Variants in BICC1 observed in about 807,000 individuals in gnomAD.
The protein encoded by BICC1 is BicC family RNA binding protein 1.
Under a neutral mutation model 111.0 loss-of-function variants are expected in BICC1, and 43 were observed. The observed-to-expected ratio is 0.39, with a 90% CI of 0.30 to 0.50. The LOEUF is 0.50. Among genes scored for constraint, BICC1 ranks in the 20% least tolerant of loss-of-function variants. The pLI, the probability that BICC1 is intolerant of heterozygous loss-of-function variation, is 0.88. For missense variants in BICC1, 1,091 were observed against 1,203.2 expected, an observed-to-expected ratio of 0.91 and a Z score of 1.38; for synonymous variants, 467 against 434.4, an observed-to-expected ratio of 1.07 and a Z score of -0.93.
chr10:58,572,341 T>G (rs1041303412), intron 1 of BICC1, among the ~76,000 whole-genome samples: 2 of 152,156 alleles, frequency 1.3e-5, no homozygotes, highest in African/African-American at 4.8e-5. Flanking sequence ...TAGATCCCAT[T>G]TGTCAATTTT....
chr10:58,714,772 A>G (rs990811721), intron 3 of BICC1, among the ~76,000 whole-genome samples: 2 of 152,042 alleles, frequency 1.3e-5, no homozygotes, highest in South Asian at 4.2e-4. Flanking sequence ...GAATTCAGGG[A>G]CATCTATCAG....
At chr10:58,704,814 T>C (rs1840342562) in intron 3 of BICC1, among the ~76,000 whole-genome samples, 1 of 152,216 alleles carries the variant, frequency 6.6e-6, no homozygotes, top group South Asian at 2.1e-4. Context: ...CATAGGTTTG[T>C]GTTGCATTTC....
At chr10:58,659,713 A>T (rs922432211) in intron 2 of BICC1, among the ~76,000 whole-genome samples, 3 of 151,818 alleles carry the variant, frequency 2.0e-5, no homozygotes, top group South Asian at 4.2e-4. Context: ...AAACCAAGTT[A>T]AAAAAAAGAC....
intron 3 of BICC1, among the ~76,000 whole-genome samples, chr10:58,724,115 T>C (rs1171790758): frequency 6.6e-6 from 1 of 152,212 alleles, no homozygotes; most frequent in Non-Finnish European, 1.5e-5. Flanking sequence ...AAACAGCCGA[T>C]CAGTGCTTTT....
intron 3 of BICC1, among the ~76,000 whole-genome samples, chr10:58,735,066 A>G (rs1236507224): frequency 1.3e-5 from 2 of 152,234 alleles, no homozygotes; most frequent in Admixed American, 6.5e-5. Context: ...GTACAAGGAT[A>G]TAGTACATCC....
chr10:58,512,321 A>C (rs568966890), upstream of BICC1, among the ~76,000 whole-genome samples: 1 of 152,228 alleles, frequency 6.6e-6, no homozygotes, highest in Admixed American at 6.5e-5. Context: ...GATGCCTGCG[A>C]AAGACGGGCA....
chr10:58,692,104 A>T (rs868121906), intron 2 of BICC1, among the ~76,000 whole-genome samples: 2 of 152,168 alleles, frequency 1.3e-5, no homozygotes, highest in South Asian at 2.1e-4. Flanking sequence ...CCAGGAGCCC[A>T]GCTTGTTGGT....
At chr10:58,727,960 TA>T (rs1166508785) in intron 3 of BICC1, among the ~76,000 whole-genome samples, 7 of 152,214 alleles carry the variant, frequency 4.6e-5, no homozygotes, top group Non-Finnish European at 7.3e-5. Context: ...ATACTTTAAT[TA>T]AAAAACCTTT....
intron 8 of BICC1, 56 bp from the exon 9 acceptor site, chr10:58,793,428 G>T (rs1276213735): frequency 1.4e-6 from 2 of 1,472,272 alleles, no homozygotes; most frequent in African/African-American, 1.4e-5. Flanking sequence ...TAAATTATCA[G>T]GTGTTTAAAT....
intron 3 of BICC1, among the ~76,000 whole-genome samples, chr10:58,740,663 T>C (rs1015679494): frequency 2.6e-5 from 4 of 152,204 alleles, no homozygotes; most frequent in African/African-American, 4.8e-5. Flanking sequence ...TTAACTCTTA[T>C]TCCCAAGTTT....
At chr10:58,626,295 C>T (rs763534905) in intron 2 of BICC1, among the ~76,000 whole-genome samples, 4 of 152,188 alleles carry the variant, frequency 2.6e-5, no homozygotes, top group Non-Finnish European at 2.9e-5. Flanking sequence ...TATTACCGAT[C>T]ACTATACTAT....
chr10:58,677,871 G>A (rs890546217), intron 2 of BICC1, among the ~76,000 whole-genome samples: 13 of 152,174 alleles, frequency 8.5e-5, no homozygotes, highest in Non-Finnish European at 8.8e-5. Flanking sequence ...CTACAAACCA[G>A]AAAGAGTGGA....
chr10:58,619,117 A>G (rs1452319057), intron 1 of BICC1, among the ~76,000 whole-genome samples: 5 of 152,142 alleles, frequency 3.3e-5, no homozygotes, highest in Non-Finnish European at 5.9e-5. Context: ...ATTCAATATA[A>G]TCTTCCTATC....
chr10:58,634,671 C>T (rs1317442270), intron 2 of BICC1, among the ~76,000 whole-genome samples: 5 of 152,128 alleles, frequency 3.3e-5, no homozygotes, highest in East Asian at 1.9e-4. Context: ...AACACAGTGG[C>T]GAGGGTTGCC....
At chr10:58,614,265 G>C in intron 1 of BICC1, among the ~76,000 whole-genome samples, 1 of 152,048 alleles carries the variant, frequency 6.6e-6, no homozygotes, top group East Asian at 1.9e-4. Flanking sequence ...TGGCATCCTG[G>C]GAGTGAATTG....
At chr10:58,767,965 G>A (rs941570043) in intron 3 of BICC1, among the ~76,000 whole-genome samples, 4 of 151,978 alleles carry the variant, frequency 2.6e-5, no homozygotes, top group Non-Finnish European at 5.9e-5. Flanking sequence ...ACCATCAGGA[G>A]AAATAATATA....
intron 3 of BICC1, among the ~76,000 whole-genome samples, chr10:58,734,439 A>G (rs571617301): frequency 2.0e-5 from 3 of 152,350 alleles, no homozygotes; most frequent in African/African-American, 4.8e-5. Flanking sequence ...AACATTTCCA[A>G]GTGTCCATAT....
chr10:58,675,730 A>T (rs1839318084), intron 2 of BICC1, among the ~76,000 whole-genome samples: 1 of 152,246 alleles, frequency 6.6e-6, no homozygotes, highest in Non-Finnish European at 1.5e-5. Context: ...TGTGATAATC[A>T]TTACAGAATG....
chr10:58,597,849 G>A (rs1366922836), intron 1 of BICC1, among the ~76,000 whole-genome samples: 1 of 151,966 alleles, frequency 6.6e-6, no homozygotes, highest in Non-Finnish European at 1.5e-5. Flanking sequence ...CAGACCTTAT[G>A]GTTGTCTTCC....
Sources: gnomAD v4.1 joint callset for allele counts (sites outside exome capture counted in the v4.1 genomes callset) on GRCh38, gnomAD v4.1.1 for gene constraint, MANE v1.5 for transcripts, NCBI Gene and HGNC (gene_info 2026-07-23, HGNC 2026-07-21) for gene names.